The following HIPK2 variants were observed in gnomAD, a reference collection of about 807,000 sequenced individuals.
The protein encoded by HIPK2 is homeodomain interacting protein kinase 2.
HIPK2 carries 27 observed loss-of-function variants against 113.7 expected under a neutral mutation model. The ratio of observed to expected loss-of-function variants is 0.24; its 90% CI spans 0.17 to 0.33. The LOEUF (loss-of-function observed/expected upper bound fraction) is 0.33. Among genes scored for constraint, HIPK2 ranks in the 10% least tolerant of loss-of-function variants. HIPK2 has a pLI of 1.00. For synonymous variants in HIPK2, 631 were observed against 642.2 expected, an observed-to-expected ratio of 0.98 and a Z score of 0.26; for missense variants, 1,257 against 1,588.0, an observed-to-expected ratio of 0.79 and a Z score of 3.54.
intron 2 of HIPK2, among the ~76,000 whole-genome samples, chr7:139,715,289 G>T (rs1322676416): frequency 6.6e-6 from 1 of 152,160 alleles, no homozygotes; most frequent in Non-Finnish European, 1.5e-5. Context: ...CCCAAAGCCT[G>T]AAGTCACCTT....
Position 139,690,569 on chromosome 7 carries a change from G to C in HIPK2, c.1103+25363C>G, listed in dbSNP as rs190518022. ...AGAGCCAGCCCCAGCACTTTGGGGT[G>C]GGGGGCCAAGGTGGGAGGATCGTTT... is the stretch of plus-strand genomic sequence containing the variant. On this transcript the variant is annotated intron_variant, in intron 2 of 14. Transcript: ENST00000406875. 9.1e-3 allele frequency among the ~76,000 whole-genome samples: 1,379 copies of C among 152,194 alleles called. 17 individuals are homozygous for C. The highest frequency in any genetic ancestry group is 0.024 in the Middle Eastern group (7 of 294).
chr7:139,743,403 C>T (rs1796138595), intron 1 of HIPK2, among the ~76,000 whole-genome samples: 1 of 152,228 alleles, frequency 6.6e-6, no homozygotes, highest in Non-Finnish European at 1.5e-5. Flanking sequence ...TTTTTATATA[C>T]AACTTACAAC....
intron 2 of HIPK2, among the ~76,000 whole-genome samples, chr7:139,676,442 C>T (rs935144756): frequency 1.3e-5 from 2 of 152,224 alleles, no homozygotes; most frequent in African/African-American, 4.8e-5. Context: ...TCACAGATTT[C>T]CATCACATCT....
chr7:139,709,942 A>C (rs73469960), intron 2 of HIPK2, among the ~76,000 whole-genome samples: 2,053 of 152,342 alleles, frequency 0.013, 46 homozygotes, highest in African/African-American at 0.046. Flanking sequence ...AGTTAAATGC[A>C]CTAACAATGT....
intron 2 of HIPK2, among the ~76,000 whole-genome samples, chr7:139,707,051 C>T (rs1000744063): frequency 6.6e-6 from 1 of 152,242 alleles, no homozygotes; most frequent in Non-Finnish European, 1.5e-5. Context: ...ACCAGAGCCC[C>T]GCCTTTGGCC....
At chr7:139,695,267 C>T (rs1794529151) in intron 2 of HIPK2, among the ~76,000 whole-genome samples, 1 of 152,242 alleles carries the variant, frequency 6.6e-6, no homozygotes. Context: ...TCCCAGGGAG[C>T]CGTGGTCCTC....
intron 1 of HIPK2, among the ~76,000 whole-genome samples, chr7:139,766,602 T>C (rs1200581981): frequency 6.6e-6 from 1 of 152,202 alleles, no homozygotes; most frequent in Non-Finnish European, 1.5e-5. Flanking sequence ...GCACATGGCA[T>C]GGATCACTCT....
rs1585314929 is a variant in HIPK2 at position 139,641,436 on chromosome 7, A to G, written c.1104-9711T>C. Among the ~76,000 whole-genome samples the G allele has an allele frequency of 5.9e-5, 9 of 152,124 alleles. 1 individual carries two copies. The highest frequency in any genetic ancestry group is 5.9e-4 in the Admixed American group (9 of 15,286). On this transcript the variant is annotated intron_variant, in intron 2 of 14. Coordinates refer to ENST00000406875, the MANE Select transcript of HIPK2 (RefSeq NM_022740.5). Reference sequence around the variant, plus strand: ...CTCTTGCTTCTTCCTTGTGTGGAGAAATACTACCGTAACCTAGTGTTCCTT... The same window carrying G: ...CTCTTGCTTCTTCCTTGTGTGGAGAGATACTACCGTAACCTAGTGTTCCTT...
chr7:139,775,721 G>A (rs183930746), intron 1 of HIPK2, among the ~76,000 whole-genome samples: 75 of 152,264 alleles, frequency 4.9e-4, no homozygotes, highest in Middle Eastern at 3.4e-3. Context: ...TTTATCTGGC[G>A]TAAGGAACTG....
At chr7:139,625,764 T>A (rs1174661399) in intron 6 of HIPK2, among the ~76,000 whole-genome samples, 1 of 152,222 alleles carries the variant, frequency 6.6e-6, no homozygotes, top group Non-Finnish European at 1.5e-5. Flanking sequence ...TCACTTGTTT[T>A]ATACCATTCT....
In HIPK2 at chr7:139,572,012, G is replaced by T. The variant is rs1569439553; in HGVS notation, c.*915C>A. The T allele has an allele frequency of 6.6e-6, 1 of 152,266 alleles. No individual in the cohort carries two copies. Among genetic ancestry groups the T allele is most frequent in the Non-Finnish European group, 1.5e-5 (1 of 68,054 alleles). 9.4% of individuals were successfully genotyped at this position (152,266 alleles called of 1,614,324 possible). A position where few individuals can be genotyped will look rare whatever the true frequency, so the allele number is the denominator to read the frequency against. On this transcript the variant is annotated 3_prime_UTR_variant, in exon 15 of 15. Coordinates refer to ENST00000406875, the MANE Select transcript of HIPK2 (RefSeq NM_022740.5). Reference sequence around the variant, plus strand: ...ATCATTGGAGTTGAACACAAGGTAGGAGACAAGGGTGCTGAGTGCTACATT... The same window carrying T: ...ATCATTGGAGTTGAACACAAGGTAGTAGACAAGGGTGCTGAGTGCTACATT...
At chr7:139,669,489 C>G (rs12667987) in intron 2 of HIPK2, among the ~76,000 whole-genome samples, 85,835 of 152,052 alleles carry the variant, frequency 0.56, 25,566 homozygotes, top group East Asian at 0.84. Flanking sequence ...TGGTGAATGA[C>G]AAAATGAGAC....
At chr7:139,724,520 A>G (rs1795510023) in intron 1 of HIPK2, among the ~76,000 whole-genome samples, 1 of 152,152 alleles carries the variant, frequency 6.6e-6, no homozygotes, top group Non-Finnish European at 1.5e-5. Context: ...CACAAGCTCT[A>G]CAGAATTCTT....
intron 1 of HIPK2, among the ~76,000 whole-genome samples, chr7:139,749,608 C>G (rs1796246967): frequency 1.3e-5 from 2 of 152,198 alleles, no homozygotes; most frequent in Admixed American, 1.3e-4. Flanking sequence ...GTGTTCACGG[C>G]AGCTCCCAAC....
intron 2 of HIPK2, among the ~76,000 whole-genome samples, chr7:139,701,443 C>T (rs1315648392): frequency 6.6e-6 from 1 of 152,230 alleles, no homozygotes; most frequent in Admixed American, 6.5e-5. Flanking sequence ...CCAAAGCCCT[C>T]ACCTAGAACG....
At chr7:139,576,906 C>T (rs766988201) in intron 13 of HIPK2, among the ~76,000 whole-genome samples, 1 of 152,170 alleles carries the variant, frequency 6.6e-6, no homozygotes, top group Non-Finnish European at 1.5e-5. Context: ...ACAGGACCAT[C>T]ACCCCTTGAT....
chr7:139,707,135 C>A (rs747936654), intron 2 of HIPK2, among the ~76,000 whole-genome samples: 3 of 152,210 alleles, frequency 2.0e-5, no homozygotes, highest in Non-Finnish European at 2.9e-5. Flanking sequence ...GTACAGCAGC[C>A]CAGAATCATG....
chr7:139,575,432 A>G, intron 13 of HIPK2, 144 bp from the exon 14 acceptor site: 1 of 912,526 alleles, frequency 1.1e-6, no homozygotes, highest in Non-Finnish European at 1.6e-6. Context: ...TCTCCCCCGG[A>G]CCCACTAGGA....
chr7:139,665,916 C>T (rs1802033062), intron 2 of HIPK2, among the ~76,000 whole-genome samples: 1 of 149,332 alleles, frequency 6.7e-6, no homozygotes, highest in Non-Finnish European at 1.5e-5. Context: ...TACAAGCAGA[C>T]TGTAAGCTCT....
Sources: gnomAD v4.1 joint callset for allele counts (sites outside exome capture counted in the v4.1 genomes callset) on GRCh38, gnomAD v4.1.1 for gene constraint, MANE v1.5 for transcripts, NCBI Gene and HGNC (gene_info 2026-07-23, HGNC 2026-07-21) for gene names.